The following CYP51A1 variants were observed in gnomAD, a reference collection of about 807,000 sequenced individuals.
CYP51A1 encodes cytochrome P450 family 51 subfamily A member 1.
A neutral mutation model predicts 53.5 loss-of-function variants in CYP51A1; 45 were observed. That is an observed-to-expected ratio of 0.84 (90% CI 0.66 to 1.08). CYP51A1 has a LOEUF of 1.08. CYP51A1 is among the 50% of genes least tolerant of loss of function. The pLI, the probability that CYP51A1 is intolerant of heterozygous loss-of-function variation, is 0.00. For synonymous variants in CYP51A1, 181 were observed against 217.7 expected, an observed-to-expected ratio of 0.83 and a Z score of 1.48; for missense variants, 462 against 621.7, an observed-to-expected ratio of 0.74 and a Z score of 2.73.
intron 5 of CYP51A1, among the ~76,000 whole-genome samples, chr7:92,124,706 T>C (rs1412378924): frequency 6.6e-6 from 1 of 152,138 alleles, no homozygotes; most frequent in African/African-American, 2.4e-5. Flanking sequence ...CATAGGCCTG[T>C]TTAAGAAAGT....
chr7:92,131,876 C>T lies in CYP51A1; in HGVS notation c.193-4G>A. On this transcript the variant is annotated splice_polypyrimidine_tract_variant and splice_region_variant and intron_variant, in intron 1 of 9. Transcript: ENST00000003100. Reference sequence around the variant, plus strand: ...AGAAAATGTATGGAGGACTTTTCTACAAGAGAAAAAAATAGTAAATTCAAT... The same window carrying T: ...AGAAAATGTATGGAGGACTTTTCTATAAGAGAAAAAAATAGTAAATTCAAT... 1 of 1,517,914 alleles carries T rather than the reference C, an allele frequency of 6.6e-7. No homozygotes were observed. The highest frequency in any genetic ancestry group is 9.1e-7 in the Non-Finnish European group (1 of 1,096,036). 94.0% of individuals were successfully genotyped at this position (1,517,914 alleles called of 1,614,324 possible).
chr7:92,116,709 T>G (rs916695695), intron 9 of CYP51A1, among the ~76,000 whole-genome samples: 5 of 152,212 alleles, frequency 3.3e-5, no homozygotes, highest in Non-Finnish European at 7.3e-5. Flanking sequence ...CCCTGAATGG[T>G]GTGCTGACTC....
At chr7:92,125,491 G>C (rs946509269) in intron 5 of CYP51A1, among the ~76,000 whole-genome samples, 3 of 152,190 alleles carry the variant, frequency 2.0e-5, no homozygotes, top group Admixed American at 2.0e-4. Flanking sequence ...TATAGATCAA[G>C]TCCTAAGAGC....
At chr7:92,117,667 G>T (rs1200130025) in intron 8 of CYP51A1, among the ~76,000 whole-genome samples, 8 of 152,116 alleles carry the variant, frequency 5.3e-5, no homozygotes, top group African/African-American at 1.9e-4. Context: ...AATTGTTAAA[G>T]AAAAATGCAG....
rs577204986 is a variant in CYP51A1 at position 92,125,689 on chromosome 7, G to C, written c.770+564C>G. Among the ~76,000 whole-genome samples the C allele has an allele frequency of 7.9e-5, 12 of 152,322 alleles. No homozygotes were observed. The East Asian group carries it at 2.3e-3, about 29-fold the overall frequency. The stretch of plus-strand genomic sequence containing the variant: ...AGACTTTCCTGAGGATAAGGAATAC[G>C]TGAGGTAAGCAGGCTTTTAAACTAG... On this transcript the variant is annotated intron_variant, in intron 5 of 9. Transcript: ENST00000003100.
chr7:92,134,653 G>A (rs553499071), upstream of CYP51A1: 3 of 395,038 alleles, frequency 7.6e-6, no homozygotes, highest in Non-Finnish European at 1.4e-5. Flanking sequence ...TACGGGGCCG[G>A]AAGATAACTT....
intron 7 of CYP51A1, among the ~76,000 whole-genome samples, chr7:92,121,723 T>A (rs1030010476): frequency 1.3e-5 from 2 of 152,154 alleles, no homozygotes; most frequent in Non-Finnish European, 2.9e-5. Flanking sequence ...CACAAAAGAC[T>A]ACAAATTGTA....
intron 7 of CYP51A1, among the ~76,000 whole-genome samples, chr7:92,120,366 T>A (rs1473201982): frequency 1.3e-5 from 2 of 152,180 alleles, no homozygotes; most frequent in Non-Finnish European, 2.9e-5. Context: ...ATTACAAAAC[T>A]ACGTAATGGC....
chr7:92,115,316 C>G (rs1475560840), intron 9 of CYP51A1, among the ~76,000 whole-genome samples: 2 of 152,174 alleles, frequency 1.3e-5, no homozygotes, highest in African/African-American at 4.8e-5. Flanking sequence ...TCTTTATATA[C>G]ACAATTATTT....
intron 7 of CYP51A1, among the ~76,000 whole-genome samples, chr7:92,119,355 T>G (rs1819639943): frequency 6.6e-6 from 1 of 152,204 alleles, no homozygotes; most frequent in Non-Finnish European, 1.5e-5. Flanking sequence ...CTTTTACCTC[T>G]GGCTGACCTG....
chr7:92,131,106 G>A (rs1252998519), intron 2 of CYP51A1, among the ~76,000 whole-genome samples: 1 of 152,202 alleles, frequency 6.6e-6, no homozygotes, highest in Non-Finnish European at 1.5e-5. Flanking sequence ...AAAGAGGAAA[G>A]TGAAGAATGA....
chr7:92,120,793 T>G (rs6956596), intron 7 of CYP51A1, among the ~76,000 whole-genome samples: 50,963 of 151,598 alleles, frequency 0.34, 8,988 homozygotes, highest in South Asian at 0.38. Context: ...CTTCATACAC[T>G]TTGATTAGGC....
chr7:92,132,707 C>G (rs1189490715), intron 1 of CYP51A1, among the ~76,000 whole-genome samples: 1 of 152,164 alleles, frequency 6.6e-6, no homozygotes, highest in East Asian at 1.9e-4. Flanking sequence ...TCTCAGTAAA[C>G]AATCAATCTC....
chr7:92,116,959 T>C, intron 9 of CYP51A1, 85 bp downstream of exon 9: 3 of 1,386,766 alleles, frequency 2.2e-6, no homozygotes, highest in Non-Finnish European at 2.9e-6. Context: ...GGAGAGATAA[T>C]TTGTAAACAC....
chr7:92,116,078 C>A (rs1213579024), intron 9 of CYP51A1, among the ~76,000 whole-genome samples: 1 of 152,182 alleles, frequency 6.6e-6, no homozygotes, highest in Non-Finnish European at 1.5e-5. Flanking sequence ...TCGAGACCAG[C>A]CTGGCCAACA....
At chr7:92,125,603 G>T (rs1819783012) in intron 5 of CYP51A1, among the ~76,000 whole-genome samples, 1 of 152,142 alleles carries the variant, frequency 6.6e-6, no homozygotes, top group African/African-American at 2.4e-5. Context: ...ACAATAAAAA[G>T]CCACCAAAGA....
intron 4 of CYP51A1, 59 bp downstream of exon 4, chr7:92,127,446 T>C: frequency 6.6e-7 from 1 of 1,517,496 alleles, no homozygotes; most frequent in Non-Finnish European, 9.0e-7. Context: ...ATATATACTC[T>C]ACTTTTCTAT....
chr7:92,115,407 A>C (rs959638357), intron 9 of CYP51A1, among the ~76,000 whole-genome samples: 2 of 152,202 alleles, frequency 1.3e-5, no homozygotes, highest in African/African-American at 4.8e-5. Flanking sequence ...TAAGATACAG[A>C]GACATGAACA....
At chr7:92,115,789 T>C (rs1819569571) in intron 9 of CYP51A1, among the ~76,000 whole-genome samples, 1 of 152,202 alleles carries the variant, frequency 6.6e-6, no homozygotes. Context: ...AGATTTCAGC[T>C]TTAACATAAG....
Sources: allele counts gnomAD v4.1 joint callset (sites outside exome capture counted in the v4.1 genomes callset), GRCh38; gene constraint gnomAD v4.1.1; transcripts MANE v1.5; gene names NCBI Gene and HGNC (gene_info 2026-07-23, HGNC 2026-07-21).